Variants in PHACTR1 observed in about 807,000 individuals in gnomAD.
PHACTR1 encodes the protein RPEL repeat containing 1.
In PHACTR1, 16 loss-of-function variants were observed where a neutral mutation model predicts 69.2. The observed-to-expected ratio is 0.23, with a 90% CI of 0.16 to 0.35. PHACTR1 has a LOEUF of 0.35. Ranked by LOEUF, PHACTR1 falls within the 10% of genes least tolerant of loss-of-function variation. The pLI, the probability that PHACTR1 is intolerant of heterozygous loss-of-function variation, is 1.00. For missense variants in PHACTR1, 510 were observed against 734.7 expected (o/e 0.69, Z 3.54); for synonymous variants, 312 against 284.5 (o/e 1.10, Z -0.97).
chr6:12,975,595 T>C (rs1352147669), intron 4 of PHACTR1, among the ~76,000 whole-genome samples: 1 of 152,158 alleles, frequency 6.6e-6, no homozygotes, highest in East Asian at 1.9e-4. Context: ...TTCTTTTCTT[T>C]TATGAGACAG....
intron 4 of PHACTR1, among the ~76,000 whole-genome samples, chr6:12,922,117 C>G (rs920201722): frequency 1.3e-5 from 2 of 152,166 alleles, no homozygotes; most frequent in Non-Finnish European, 2.9e-5. Context: ...TACCCCATGT[C>G]ATTTGCAGAA....
At chr6:13,088,323 C>CA (rs56960328) in intron 5 of PHACTR1, among the ~76,000 whole-genome samples, 105 of 141,046 alleles carry the variant, frequency 7.4e-4, no homozygotes, top group South Asian at 3.2e-3. Flanking sequence ...CTACCCCCCG[C>CA]AAAAAAAAAA....
intron 4 of PHACTR1, among the ~76,000 whole-genome samples, chr6:12,945,092 G>T (rs1487287412): frequency 6.6e-6 from 1 of 152,036 alleles, no homozygotes; most frequent in Non-Finnish European, 1.5e-5. Flanking sequence ...TACTCCCTCA[G>T]ACATGCCATG....
chr6:13,070,458 T>C (rs5002331), intron 5 of PHACTR1, among the ~76,000 whole-genome samples: 71,959 of 151,898 alleles, frequency 0.47, 19,180 homozygotes, highest in East Asian at 0.83. Flanking sequence ...AATACCTGTT[T>C]GATAGGTGAG....
At chr6:12,867,771 T>A (rs575380125) in intron 4 of PHACTR1, among the ~76,000 whole-genome samples, 5 of 152,128 alleles carry the variant, frequency 3.3e-5, no homozygotes, top group Non-Finnish European at 5.9e-5. Flanking sequence ...AGGTATTTGT[T>A]GGGTTTTTTT....
chr6:13,162,749 G>A (rs1759226440), intron 6 of PHACTR1, among the ~76,000 whole-genome samples: 1 of 152,154 alleles, frequency 6.6e-6, no homozygotes, highest in South Asian at 2.1e-4. Context: ...AACTGTTGGA[G>A]CAAAAGCCTC....
chr6:13,163,047 C>A (rs1188140627), intron 6 of PHACTR1, among the ~76,000 whole-genome samples: 1 of 152,176 alleles, frequency 6.6e-6, no homozygotes, highest in Non-Finnish European at 1.5e-5. Flanking sequence ...GAGTTCGAGA[C>A]CAGCCTGGCC....
intron 6 of PHACTR1, among the ~76,000 whole-genome samples, chr6:13,171,323 C>G (rs1760587255): frequency 6.6e-6 from 1 of 152,234 alleles, no homozygotes. Flanking sequence ...CATCCCAGCA[C>G]TCCAGGTTTC....
intron 10 of PHACTR1, among the ~76,000 whole-genome samples, chr6:13,241,917 C>G (rs936302307): frequency 4.0e-5 from 6 of 151,348 alleles, no homozygotes; most frequent in Non-Finnish European, 8.8e-5. Flanking sequence ...CCTGTAGTCC[C>G]AGCTACTTGG....
rs369513182 is a variant in PHACTR1, at chr6:12,869,629, C to T, written c.250+119839C>T. Among the ~76,000 whole-genome samples the T allele has an allele frequency of 1.8e-4, 27 of 152,324 alleles. 1 individual carries two copies. In the South Asian group the frequency reaches 5.4e-3, roughly 30 times the overall value. ...GCATTGCAAACCAGTCCTCCTCCTTCCTGCTGACCATAGTGCTTTTGTTAA... is the reference window on the plus strand; with the variant it reads ...GCATTGCAAACCAGTCCTCCTCCTTTCTGCTGACCATAGTGCTTTTGTTAA... On this transcript the variant is annotated intron_variant, in intron 4 of 14. Transcript: ENST00000332995.
chr6:13,010,104 C>G (rs750039570), intron 4 of PHACTR1, among the ~76,000 whole-genome samples: 2 of 152,032 alleles, frequency 1.3e-5, no homozygotes, highest in African/African-American at 2.4e-5. Context: ...CTTATATGTC[C>G]TTGTATTGAG....
intron 4 of PHACTR1, among the ~76,000 whole-genome samples, chr6:12,881,815 C>G (rs150334510): frequency 6.6e-6 from 1 of 152,238 alleles, no homozygotes; most frequent in African/African-American, 2.4e-5. Context: ...ATAAATAAAG[C>G]TATGATGTCC....
chr6:12,875,462 G>A (rs138588482), intron 4 of PHACTR1, among the ~76,000 whole-genome samples: 138 of 152,332 alleles, frequency 9.1e-4, no homozygotes, highest in African/African-American at 3.0e-3. Flanking sequence ...ACCCAAAGCT[G>A]AGCAGAACCA....
chr6:13,054,118 C>T (rs888752476), intron 5 of PHACTR1, among the ~76,000 whole-genome samples: 5 of 152,214 alleles, frequency 3.3e-5, no homozygotes, highest in African/African-American at 4.8e-5. Flanking sequence ...TGGAGCCACA[C>T]TTCCTGGATT....
intron 10 of PHACTR1, among the ~76,000 whole-genome samples, chr6:13,247,636 G>A (rs748738131): frequency 1.1e-4 from 17 of 151,954 alleles, no homozygotes; most frequent in African/African-American, 3.1e-4. Context: ...GTGAGCCACC[G>A]TGCCCAGCCC....
intron 7 of PHACTR1, among the ~76,000 whole-genome samples, chr6:13,192,651 C>T (rs1763762657): frequency 6.6e-6 from 1 of 152,178 alleles, no homozygotes; most frequent in Admixed American, 6.5e-5. Flanking sequence ...GGATTTATAA[C>T]TGGATGTATA....
chr6:12,935,963 T>C (rs759145784), intron 4 of PHACTR1, among the ~76,000 whole-genome samples: 4 of 151,990 alleles, frequency 2.6e-5, no homozygotes. Flanking sequence ...TGAAACCTAA[T>C]GTTCTCACAA....
At chr6:12,931,041 C>T (rs1204019918) in intron 4 of PHACTR1, among the ~76,000 whole-genome samples, 1 of 148,262 alleles carries the variant, frequency 6.7e-6, no homozygotes, top group Non-Finnish European at 1.5e-5. Flanking sequence ...GTGACAAATG[C>T]ACAGGACAGC....
chr6:13,130,470 A>T (rs1196866578), intron 5 of PHACTR1, among the ~76,000 whole-genome samples: 3 of 152,152 alleles, frequency 2.0e-5, no homozygotes, highest in Non-Finnish European at 4.4e-5. Context: ...GAAATTAAAC[A>T]GGAGATATTA....
Sources: allele counts gnomAD v4.1 joint callset (sites outside exome capture counted in the v4.1 genomes callset), GRCh38; gene constraint gnomAD v4.1.1; transcripts MANE v1.5; gene names NCBI Gene and HGNC (gene_info 2026-07-23, HGNC 2026-07-21).